The following ARFIP1 variants were observed in gnomAD, a reference collection of about 807,000 sequenced individuals.
ARFIP1 encodes ARF interacting protein 1.
ARFIP1 carries 24 observed loss-of-function variants against 42.5 expected under a neutral mutation model. The ratio of observed to expected loss-of-function variants is 0.57; its 90% CI spans 0.41 to 0.80. The LOEUF (loss-of-function observed/expected upper bound fraction) is 0.80, where lower values mean the gene tolerates loss of function less well. Ranked by LOEUF, ARFIP1 falls within the 30% of genes least tolerant of loss-of-function variation. The pLI is 0.00. For missense variants in ARFIP1, 354 were observed against 434.0 expected (o/e 0.82, Z 1.64); for synonymous variants, 141 against 153.7 (o/e 0.92, Z 0.61).
chr4:152,879,426 T>G (rs1251390857), intron 5 of ARFIP1, among the ~76,000 whole-genome samples: 1 of 152,210 alleles, frequency 6.6e-6, no homozygotes, highest in Admixed American at 6.5e-5. Flanking sequence ...TAATAGTAGT[T>G]TTCTACTATT....
intron 1 of ARFIP1, among the ~76,000 whole-genome samples, chr4:152,793,670 A>G (rs1156367301): frequency 2.6e-5 from 4 of 152,208 alleles, no homozygotes; most frequent in Admixed American, 6.5e-5. Context: ...TTGAGTTGCT[A>G]TAAAGGAATA....
chr4:152,905,554 T>TTTG (rs1310860986), intron 8 of ARFIP1, among the ~76,000 whole-genome samples: 2 of 114,486 alleles, frequency 1.7e-5, no homozygotes, highest in African/African-American at 6.6e-5. Flanking sequence ...TGTTTTTTTT[T>TTTG]TTTTTTTTTT....
intron 1 of ARFIP1, among the ~76,000 whole-genome samples, chr4:152,811,641 T>G (rs918228384): frequency 6.6e-6 from 1 of 152,216 alleles, no homozygotes; most frequent in Admixed American, 6.5e-5. Flanking sequence ...TTGGAACCTA[T>G]TGTGAAGGAC....
intron 2 of ARFIP1, among the ~76,000 whole-genome samples, chr4:152,851,352 G>T (rs187283683): frequency 1.3e-3 from 199 of 152,318 alleles, no homozygotes; most frequent in African/African-American, 4.3e-3. Context: ...GCTGAGGTCT[G>T]AAGGATGACC....
chr4:152,874,508 C>T (rs1735158737), intron 5 of ARFIP1, among the ~76,000 whole-genome samples: 1 of 152,172 alleles, frequency 6.6e-6, no homozygotes, highest in Non-Finnish European at 1.5e-5. Context: ...AGTGTAATGA[C>T]CTCATGGGGT....
chr4:152,889,736 AT>A (rs1315796647), intron 8 of ARFIP1, among the ~76,000 whole-genome samples: 1 of 41,584 alleles, frequency 2.4e-5, no homozygotes, highest in Non-Finnish European at 4.9e-5. Flanking sequence ...TATATATACT[AT>A]ACTATATATA....
At chr4:152,818,076 T>C (rs1028222018) in intron 1 of ARFIP1, among the ~76,000 whole-genome samples, 1 of 152,212 alleles carries the variant, frequency 6.6e-6, no homozygotes, top group Non-Finnish European at 1.5e-5. Flanking sequence ...AATAGTTCTT[T>C]TTTCCCCAAG....
At chr4:152,830,105 G>A (rs1353340904) in intron 2 of ARFIP1, among the ~76,000 whole-genome samples, 2 of 152,106 alleles carry the variant, frequency 1.3e-5, no homozygotes, top group Non-Finnish European at 2.9e-5. Context: ...AGCCACTTCT[G>A]ATTTTGCTGT....
intron 3 of ARFIP1, among the ~76,000 whole-genome samples, chr4:152,868,584 T>C (rs1734605016): frequency 6.6e-6 from 1 of 152,200 alleles, no homozygotes; most frequent in Non-Finnish European, 1.5e-5. Flanking sequence ...AAAATTTACA[T>C]ATCATTTGTT....
intron 8 of ARFIP1, among the ~76,000 whole-genome samples, chr4:152,906,933 C>T (rs889658592): frequency 6.6e-6 from 1 of 152,168 alleles, no homozygotes; most frequent in African/African-American, 2.4e-5. Context: ...TTTATTCTCT[C>T]ACTTCCTTAA....
At chr4:152,905,659 T>C (rs1561187187) in intron 8 of ARFIP1, among the ~76,000 whole-genome samples, 1 of 147,188 alleles carries the variant, frequency 6.8e-6, no homozygotes, top group Non-Finnish European at 1.5e-5. Flanking sequence ...TTCAAGCGAT[T>C]CTCCTGCCTC....
chr4:152,829,737 T>G lies in ARFIP1; in HGVS notation c.93+11T>G, dbSNP rs1731123374. The stretch of plus-strand genomic sequence containing the variant: ...CATAGCTTTAATAGGGTAAGAACAC[T>G]TTTCTTTCTCTTAATGCAAAGAATC... On this transcript the variant is annotated intron_variant, in intron 2 of 8. Coordinates refer to ENST00000353617, the MANE Select transcript of ARFIP1 (RefSeq NM_001025595.3). The G allele has an allele frequency of 6.4e-7, 1 of 1,564,522 alleles. No individual in the cohort carries two copies.
At position 152,808,283 on chromosome 4, in the gene ARFIP1, A is replaced by ATTTTTTTTTTTTT. The variant is rs61135783; in HGVS notation, c.-9-21320_-9-21308dup. ...GTGTGAGCCACCACGCCTGGCCTCC[A>ATTTTTTTTTTTTT]TTTTTTTTTTTTTTTTTTTTTTTTT... is the stretch of plus-strand genomic sequence containing the variant. On this transcript the variant is annotated intron_variant, in intron 1 of 8. Transcript: ENST00000353617. Among the ~76,000 whole-genome samples the ATTTTTTTTTTTTT allele has an allele frequency of 3.8e-3, 78 of 20,306 alleles. 13 individuals are homozygous for ATTTTTTTTTTTTT. Among genetic ancestry groups the ATTTTTTTTTTTTT allele is most frequent in the East Asian group, 4.8e-3 (3 of 622 alleles). 13.3% of individuals were successfully genotyped at this position (20,306 alleles called of 152,430 possible). A position where few individuals can be genotyped will look rare whatever the true frequency, so the allele number is the denominator to read the frequency against.
At chr4:152,825,998 A>G (rs1053923133) in intron 1 of ARFIP1, among the ~76,000 whole-genome samples, 2 of 152,174 alleles carry the variant, frequency 1.3e-5, no homozygotes, top group East Asian at 1.9e-4. Flanking sequence ...TAAAAAGTCA[A>G]AAAGTAGATG....
chr4:152,791,936 A>AT (rs1161597270), intron 1 of ARFIP1, among the ~76,000 whole-genome samples: 5 of 152,186 alleles, frequency 3.3e-5, no homozygotes, highest in African/African-American at 1.2e-4. Context: ...AACTTGCAAA[A>AT]TAAATATATT....
chr4:152,840,659 TGAA>T (rs1192768363), intron 2 of ARFIP1, among the ~76,000 whole-genome samples: 3 of 151,888 alleles, frequency 2.0e-5, no homozygotes, highest in Non-Finnish European at 4.4e-5. Context: ...GTGAGTCTCC[TGAA>T]GGCAGCAGAT....
At chr4:152,905,871 C>T (rs1738319759) in intron 8 of ARFIP1, among the ~76,000 whole-genome samples, 1 of 151,920 alleles carries the variant, frequency 6.6e-6, no homozygotes, top group Non-Finnish European at 1.5e-5. Context: ...TTTATGTATT[C>T]TAGAATCAAG....
At chr4:152,862,483 A>G (rs1038307268) in intron 2 of ARFIP1, among the ~76,000 whole-genome samples, 1 of 152,112 alleles carries the variant, frequency 6.6e-6, no homozygotes, top group South Asian at 2.1e-4. Context: ...CTTTGGAGAA[A>G]TATCCTGGAC....
At chr4:152,904,808 G>A (rs1029127932) in intron 8 of ARFIP1, among the ~76,000 whole-genome samples, 2 of 152,068 alleles carry the variant, frequency 1.3e-5, no homozygotes, top group Non-Finnish European at 2.9e-5. Flanking sequence ...TGGGCATTTG[G>A]GTTGATTCCA....
Sources: allele counts gnomAD v4.1 joint callset (sites outside exome capture counted in the v4.1 genomes callset), GRCh38; gene constraint gnomAD v4.1.1; transcripts MANE v1.5; gene names NCBI Gene and HGNC (gene_info 2026-07-23, HGNC 2026-07-21).